The following JAK1 variants were observed in gnomAD, a reference collection of about 807,000 sequenced individuals.
JAK1 encodes the protein Janus kinase 1, also known as tyrosine-protein kinase JAK1.
In JAK1, 16 loss-of-function variants were observed where a neutral mutation model predicts 136.6. The observed-to-expected ratio is 0.12, with a 90% confidence interval of 0.08 to 0.18. JAK1 has a LOEUF of 0.18. Among genes scored for constraint, JAK1 ranks in the 10% least tolerant of loss-of-function variants. The probability of loss-of-function intolerance (pLI) is 1.00; values close to 1 mark genes in which losing one functional copy is unlikely to be tolerated. For missense variants in JAK1, 859 were observed against 1,450.1 expected, an observed-to-expected ratio of 0.59 and a Z score of 6.62; for synonymous variants, 492 against 519.5, an observed-to-expected ratio of 0.95 and a Z score of 0.72.
chr1:64,913,720 G>A (rs1234014075), intron 1 of JAK1, among the ~76,000 whole-genome samples: 4 of 137,220 alleles, frequency 2.9e-5, no homozygotes, highest in African/African-American at 1.1e-4. Flanking sequence ...AGGGAGGGAG[G>A]GAGGGAGGGA....
At chr1:65,015,641 T>C (rs1646886267) in intron 2 of JAK1, among the ~76,000 whole-genome samples, 1 of 152,120 alleles carries the variant, frequency 6.6e-6, no homozygotes, top group African/African-American at 2.4e-5. Flanking sequence ...AGACAAAGCT[T>C]CTCGGACTGG....
At chr1:64,852,460 A>C (rs1655662183) in intron 11 of JAK1, among the ~76,000 whole-genome samples, 1 of 152,102 alleles carries the variant, frequency 6.6e-6, no homozygotes, top group Non-Finnish European at 1.5e-5. Context: ...CTCCCTCCAT[A>C]CCATTTTCCT....
intron 2 of JAK1, among the ~76,000 whole-genome samples, chr1:65,024,667 A>AG (rs1233317126): frequency 1.3e-5 from 2 of 150,830 alleles, no homozygotes; most frequent in Non-Finnish European, 3.0e-5. Flanking sequence ...AAGCAAAAAA[A>AG]AAAAAAAAAA....
At chr1:64,877,813 A>T (rs1025774129) in intron 4 of JAK1, among the ~76,000 whole-genome samples, 1 of 152,212 alleles carries the variant, frequency 6.6e-6, no homozygotes, top group African/African-American at 2.4e-5. Flanking sequence ...GGCCACAAAA[A>T]GCAAGATTAC....
chr1:64,872,439 C>A (rs1428959534), intron 5 of JAK1, among the ~76,000 whole-genome samples: 4 of 152,170 alleles, frequency 2.6e-5, no homozygotes, highest in African/African-American at 9.7e-5. Context: ...TAAATTAGGT[C>A]TTCCCATTCA....
rs1656264644 is a variant in JAK1 at position 64,860,827 on chromosome 1, TGTG to T, written c.1177-568_1177-566del. On this transcript the variant is annotated intron_variant, in intron 8 of 24. Coordinates refer to ENST00000342505, the MANE Select transcript of JAK1 (RefSeq NM_002227.4). The stretch of plus-strand genomic sequence containing the variant: ...ATTATCTCAAACTATCAGATGACTC[TGTG>T]TGTGTGTGTGTGTGTGTGTGTGTGT... 1.1e-4 allele frequency among the ~76,000 whole-genome samples: 4 copies of T among 37,190 alleles called. No individual in the cohort carries two copies. The African/African-American group carries it at 1.3e-3, about 12-fold the overall frequency. The allele number at this position is 37,190 out of a possible 152,430, so 24.4% of individuals were successfully genotyped here.
At chr1:64,857,244 C>T (rs540633082) in intron 10 of JAK1, among the ~76,000 whole-genome samples, 25 of 152,276 alleles carry the variant, frequency 1.6e-4, no homozygotes, top group African/African-American at 2.9e-4. Context: ...GGCATTTGGG[C>T]GCTGGTTTGT....
intron 2 of JAK1, among the ~76,000 whole-genome samples, chr1:65,010,901 C>T (rs947567380): frequency 6.6e-6 from 1 of 151,904 alleles, no homozygotes; most frequent in Non-Finnish European, 1.5e-5. Context: ...TCTCCCACTT[C>T]AAGGCCATCC....
chr1:64,918,205 G>A (rs908332835), intron 1 of JAK1, among the ~76,000 whole-genome samples: 1 of 152,158 alleles, frequency 6.6e-6, no homozygotes, highest in Non-Finnish European at 1.5e-5. Context: ...TTCTTAACCT[G>A]AATGGTGGAT....
chr1:64,833,570 G>GTCTT lies in JAK1; in HGVS notation c.*988_*991dup, dbSNP rs1029029337. 2.6e-4 allele frequency: 60 copies of GTCTT among 232,868 alleles called. No individual in the cohort carries two copies. The highest frequency in any genetic ancestry group is 2.5e-5 in the Non-Finnish European group (3 of 117,866). 14.4% of individuals were successfully genotyped at this position (232,868 alleles called of 1,614,324 possible). A position where few individuals can be genotyped will look rare whatever the true frequency, so the allele number is the denominator to read the frequency against. Reference sequence around the variant, plus strand: ...TGAAGTCCATAGTGCCTCTAGCCGGGTCTTTCAAGTGTTGCACCACAGGGT... The same window carrying GTCTT: ...TGAAGTCCATAGTGCCTCTAGCCGGGTCTTTCTTTCAAGTGTTGCACCACAGGGT... On this transcript the variant is annotated 3_prime_UTR_variant, in exon 25 of 25. Coordinates refer to ENST00000342505, the MANE Select transcript of JAK1 (RefSeq NM_002227.4).
intron 2 of JAK1, among the ~76,000 whole-genome samples, chr1:64,975,882 TC>T (rs1191184744): frequency 2.0e-5 from 3 of 152,194 alleles, no homozygotes; most frequent in Non-Finnish European, 4.4e-5. Context: ...CGATGGTGAC[TC>T]TTTTCTCCTG....
chr1:64,883,697 T>G (rs1644810644), intron 2 of JAK1, among the ~76,000 whole-genome samples: 1 of 152,156 alleles, frequency 6.6e-6, no homozygotes, highest in African/African-American at 2.4e-5. Flanking sequence ...GAATTGTAAT[T>G]TATTAATTAT....
intron 1 of JAK1, among the ~76,000 whole-genome samples, chr1:64,965,045 T>C (rs910037742): frequency 3.3e-5 from 5 of 152,162 alleles, no homozygotes; most frequent in African/African-American, 9.7e-5. Context: ...ATTCAATCAA[T>C]ACGAATTGCT....
rs1394514935 is a variant in JAK1, at chr1:64,902,581, A to AGTGTGTGT, written c.-77-16241_-77-16240insACACACAC. Among the ~76,000 whole-genome samples the AGTGTGTGT allele has an allele frequency of 6.1e-3, 91 of 14,816 alleles. No individual in the cohort carries two copies. In the South Asian group the frequency reaches 0.086, roughly 14 times the overall value. The allele number at this position is 14,816 out of a possible 152,430, so 9.7% of individuals were successfully genotyped here. On this transcript the variant is annotated intron_variant, in intron 1 of 24. Transcript: ENST00000342505. ...GAGAGAGAGAGAGAGAGAGAGAGAG[A>AGTGTGTGT]GAGTGTGTGTGTGTGTGTGTGTGTG...
At chr1:65,016,569 A>C (rs1311848266) in intron 2 of JAK1, among the ~76,000 whole-genome samples, 4 of 151,902 alleles carry the variant, frequency 2.6e-5, no homozygotes, top group African/African-American at 9.7e-5. Flanking sequence ...GCACCACTGC[A>C]CTCCAGCCTG....
chr1:64,973,518 T>C (rs1646471858), intron 2 of JAK1: 1 of 151,270 alleles, frequency 6.6e-6, no homozygotes, highest in East Asian at 1.9e-4. Flanking sequence ...TGTTCTGAAG[T>C]GTCAAAATTG....
At chr1:65,025,625 A>G (rs1240609822) in intron 2 of JAK1, among the ~76,000 whole-genome samples, 1 of 152,112 alleles carries the variant, frequency 6.6e-6, no homozygotes, top group African/African-American at 2.4e-5. Flanking sequence ...TGCTAGCACT[A>G]TGACCTTGGA....
At chr1:65,029,464 T>C (rs895226036) in intron 2 of JAK1, among the ~76,000 whole-genome samples, 2 of 152,194 alleles carry the variant, frequency 1.3e-5, no homozygotes, top group Non-Finnish European at 2.9e-5. Flanking sequence ...CATTACTGGG[T>C]ATATACCCAA....
At chr1:65,009,686 T>C (rs1400689585) in intron 2 of JAK1, among the ~76,000 whole-genome samples, 1 of 152,212 alleles carries the variant, frequency 6.6e-6, no homozygotes, top group African/African-American at 2.4e-5. Flanking sequence ...TTACATATGC[T>C]AACTCATTTA....
Sources: gnomAD v4.1 joint callset for allele counts (sites outside exome capture counted in the v4.1 genomes callset) on GRCh38, gnomAD v4.1.1 for gene constraint, MANE v1.5 for transcripts, NCBI Gene and HGNC (gene_info 2026-07-23, HGNC 2026-07-21) for gene names.